Variants in OSBPL8 observed in about 807,000 individuals in gnomAD.
OSBPL8 encodes oxysterol binding protein like 8.
Under a neutral mutation model 125.5 loss-of-function variants are expected in OSBPL8, and 59 were observed. That is an observed-to-expected ratio of 0.47 (90% confidence interval 0.38 to 0.58). The LOEUF is 0.58. Ranked by LOEUF, OSBPL8 falls within the 20% of genes least tolerant of loss-of-function variation. The pLI is 0.00. For missense variants in OSBPL8, 758 were observed against 1,047.8 expected, an observed-to-expected ratio of 0.72 and a Z score of 3.82; for synonymous variants, 330 against 338.9, an observed-to-expected ratio of 0.97 and a Z score of 0.29.
chr12:76,535,859 G>GTCTGA lies in OSBPL8; in HGVS notation c.-68+23533_-68+23537dup, dbSNP rs553865250. The stretch of plus-strand genomic sequence containing the variant: ...AGTAACAGAACCCGAATCAGTCATT[G>GTCTGA]TCTGACATAGAGTAGGAAAGGGAAA... On this transcript the variant is annotated intron_variant, in intron 1 of 23. Coordinates refer to ENST00000261183, the MANE Select transcript of OSBPL8 (RefSeq NM_020841.5). 3.4e-3 allele frequency among the ~76,000 whole-genome samples: 519 copies of GTCTGA among 152,270 alleles called. 6 individuals are homozygous for GTCTGA. The highest frequency in any genetic ancestry group is 0.03 in the South Asian group (145 of 4,822).
In OSBPL8 at chr12:76,357,515, A is replaced by G. The variant is rs141768093; in HGVS notation, c.2435-787T>C. Among the ~76,000 whole-genome samples, 207 of 152,326 alleles carry G rather than the reference A, an allele frequency of 1.4e-3. 1 individual carries two copies. Among genetic ancestry groups the G allele is most frequent in the Non-Finnish European group, 1.9e-3 (128 of 68,036 alleles). ...CAGTTTCTTTTCTCGTAAAATGGGA[A>G]TAACAACAATACAACCAATACTCTC... On this transcript the variant is annotated intron_variant, in intron 22 of 23. Coordinates refer to ENST00000261183, the MANE Select transcript of OSBPL8 (RefSeq NM_020841.5).
chr12:76,367,232 GT>G (rs1952453074), intron 21 of OSBPL8, among the ~76,000 whole-genome samples: 30 of 145,936 alleles, frequency 2.1e-4, no homozygotes, highest in African/African-American at 6.7e-4. Flanking sequence ...GTTGATTGGT[GT>G]GTGTGTGTGT....
chr12:76,503,824 T>C (rs1207957443), intron 1 of OSBPL8, among the ~76,000 whole-genome samples: 1 of 152,178 alleles, frequency 6.6e-6, no homozygotes, highest in Non-Finnish European at 1.5e-5. Flanking sequence ...ATTACAGGCA[T>C]AAGCCACCGC....
At chr12:76,518,702 A>C (rs937931247) in intron 1 of OSBPL8, among the ~76,000 whole-genome samples, 18 of 152,204 alleles carry the variant, frequency 1.2e-4, no homozygotes, top group Non-Finnish European at 2.6e-4. Flanking sequence ...TGCCCTCTTA[A>C]CACCACATGG....
intron 12 of OSBPL8, among the ~76,000 whole-genome samples, chr12:76,388,761 A>G (rs1953430347): frequency 6.6e-6 from 1 of 152,014 alleles, no homozygotes; most frequent in African/African-American, 2.4e-5. Context: ...TTTTCATTCA[A>G]TTTTTAAGAG....
intron 1 of OSBPL8, among the ~76,000 whole-genome samples, chr12:76,543,235 G>T (rs1218926962): frequency 6.6e-6 from 1 of 152,036 alleles, no homozygotes; most frequent in Non-Finnish European, 1.5e-5. Flanking sequence ...TAATGGTCTT[G>T]TAACATTAAA....
At chr12:76,382,209 G>T (rs1016065856) in intron 15 of OSBPL8, among the ~76,000 whole-genome samples, 4 of 152,030 alleles carry the variant, frequency 2.6e-5, no homozygotes, top group Admixed American at 2.6e-4. Context: ...TTTTCTATCT[G>T]TCCCCTCTGA....
At chr12:76,437,779 G>C (rs58116605) in intron 4 of OSBPL8, among the ~76,000 whole-genome samples, 2 of 152,034 alleles carry the variant, frequency 1.3e-5, no homozygotes, top group African/African-American at 4.8e-5. Context: ...TTTTCCTATC[G>C]TAAACATGGT....
chr12:76,394,758 G>C, intron 8 of OSBPL8, 29 bp from the exon 9 acceptor site: 1 of 1,483,630 alleles, frequency 6.7e-7, no homozygotes, highest in Non-Finnish European at 9.3e-7. Flanking sequence ...AAAATAAATG[G>C]TATAGAGTAA....
chr12:76,428,039 C>A (rs1870356484), intron 4 of OSBPL8, among the ~76,000 whole-genome samples: 1 of 152,010 alleles, frequency 6.6e-6, no homozygotes, highest in Admixed American at 6.6e-5. Flanking sequence ...GTATTTCTTA[C>A]AAGAGACCAT....
At chr12:76,386,468 A>G in intron 13 of OSBPL8, 111 bp downstream of exon 13, 1 of 1,291,796 alleles carries the variant, frequency 7.7e-7, no homozygotes, top group East Asian at 2.5e-5. Flanking sequence ...CAATTTTGCT[A>G]CGTCAAAGAA....
At chr12:76,449,367 T>C (rs960116583) in intron 4 of OSBPL8, among the ~76,000 whole-genome samples, 1 of 152,216 alleles carries the variant, frequency 6.6e-6, no homozygotes, top group Non-Finnish European at 1.5e-5. Context: ...AATTAGAAAC[T>C]GTGATCCCTG....
chr12:76,386,786 A>G, intron 12 of OSBPL8, 126 bp from the exon 13 acceptor site: 3 of 603,316 alleles, frequency 5.0e-6, no homozygotes, highest in Non-Finnish European at 8.5e-6. Flanking sequence ...AATGGATGAC[A>G]AAACAACCAT....
At chr12:76,373,879 A>T (rs931384351) in intron 17 of OSBPL8, among the ~76,000 whole-genome samples, 2 of 152,104 alleles carry the variant, frequency 1.3e-5, no homozygotes, top group African/African-American at 4.8e-5. Context: ...TAGCCAAAAA[A>T]AGCCTCCAAA....
chr12:76,414,916 T>G (rs1868442115), intron 4 of OSBPL8, among the ~76,000 whole-genome samples: 1 of 152,202 alleles, frequency 6.6e-6, no homozygotes, highest in African/African-American at 2.4e-5. Flanking sequence ...CCACATTTAT[T>G]TCTAATGTTA....
chr12:76,376,995 A>C (rs533408431), intron 16 of OSBPL8, among the ~76,000 whole-genome samples: 205 of 152,144 alleles, frequency 1.3e-3, no homozygotes, highest in Non-Finnish European at 2.6e-3. Flanking sequence ...CTCATTGTTC[A>C]ACTCCCACTT....
intron 2 of OSBPL8, among the ~76,000 whole-genome samples, chr12:76,460,494 GCA>G: frequency 7.8e-6 from 1 of 128,966 alleles, no homozygotes. Context: ...TTCTCAATTG[GCA>G]AAAAAAAAAA....
At chr12:76,438,846 T>C (rs765255519) in intron 4 of OSBPL8, among the ~76,000 whole-genome samples, 8 of 152,250 alleles carry the variant, frequency 5.3e-5, no homozygotes, top group Admixed American at 3.3e-4. Flanking sequence ...TTTACCTTGC[T>C]AGATTCAGTT....
intron 5 of OSBPL8, among the ~76,000 whole-genome samples, chr12:76,407,709 G>A (rs1474424713): frequency 6.6e-6 from 1 of 152,080 alleles, no homozygotes; most frequent in Non-Finnish European, 1.5e-5. Context: ...GTTATGTTAA[G>A]AATCCCATTC....
Sources: allele counts gnomAD v4.1 joint callset (sites outside exome capture counted in the v4.1 genomes callset), GRCh38; gene constraint gnomAD v4.1.1; transcripts MANE v1.5; gene names NCBI Gene and HGNC (gene_info 2026-07-23, HGNC 2026-07-21).